HCN4: variants seen among roughly 807,000 people sequenced by gnomAD.
The protein encoded by HCN4 is hyperpolarization activated cyclic nucleotide gated potassium channel 4.
Under a neutral mutation model 76.9 loss-of-function variants are expected in HCN4, and 29 were observed. That is an observed-to-expected ratio of 0.38 (90% CI 0.28 to 0.51). The LOEUF is 0.51. Among genes scored for constraint, HCN4 ranks in the 20% least tolerant of loss-of-function variants. The probability of loss-of-function intolerance (pLI) is 0.90; values close to 1 mark genes in which losing one functional copy is unlikely to be tolerated. For missense variants in HCN4, 1,416 were observed against 1,715.2 expected (o/e 0.83, Z 3.08); for synonymous variants, 772 against 762.5 (o/e 1.01, Z -0.21).
At position 73,336,121 on chromosome 15, in the gene HCN4, C is replaced by T. The variant is rs2042963933; in HGVS notation, c.1210-3829G>A. On this transcript the variant is annotated intron_variant, in intron 2 of 7. Transcript: ENST00000261917. ...TGGGGAGGTGAGTAGAGAGGCTGGTCCAGGCTCTGAGCACCCCCAGCCCAG... is the reference window on the plus strand; with the variant it reads ...TGGGGAGGTGAGTAGAGAGGCTGGTTCAGGCTCTGAGCACCCCCAGCCCAG... Among the ~76,000 whole-genome samples the T allele has an allele frequency of 3.3e-5, 5 of 152,086 alleles. No individual in the cohort carries two copies. The South Asian group carries it at 1.0e-3, about 32-fold the overall frequency.
Position 73,328,038 on chromosome 15 carries a change from C to A in HCN4, c.1590+1535G>T, listed in dbSNP as rs2042910918. Reference sequence around the variant, plus strand: ...AAAACGACATACTGGGTCCTCCCCTCATGGAGCCGTGGCCTGGAGAGGGAA... The same window carrying A: ...AAAACGACATACTGGGTCCTCCCCTAATGGAGCCGTGGCCTGGAGAGGGAA... On this transcript the variant is annotated intron_variant, in intron 4 of 7. Transcript: ENST00000261917. This position sits in a 1 kb window ranked among gnomAD's most constrained non-coding sequence, Gnocchi z 4.0. Among the ~76,000 whole-genome samples the A allele has an allele frequency of 6.6e-6, 1 of 152,192 alleles. No homozygotes were observed.
rs749503920 is a variant in HCN4 at position 73,322,561 on chromosome 15, GC to G, written c.3531del (p.Pro1179LeufsTer2). 20 of 1,607,632 alleles carry G rather than the reference GC, an allele frequency of 1.2e-5. No homozygotes were observed. The highest frequency in any genetic ancestry group is 3.4e-5 in the Admixed American group (2 of 59,290). On this transcript the variant is annotated frameshift_variant, in exon 8 of 8. Transcript: ENST00000261917. LOFTEE classifies it high-confidence loss of function. ...LFGARATSSG[G>X]PPLTAGPQRE... ...CTCTGGGGTCCAGCAGTCAGAGGGG[GC>G]CCCCCAGAAGAGGTGGCTCTTGCCC...
At chr15:73,341,952 G>T (rs1391634316) in intron 2 of HCN4, among the ~76,000 whole-genome samples, 5 of 152,216 alleles carry the variant, frequency 3.3e-5, no homozygotes, top group Admixed American at 2.0e-4. Flanking sequence ...GGGAACTTCT[G>T]CCAGGCAAGC....
chr15:73,326,891 A>T (rs2151216138), intron 4 of HCN4, among the ~76,000 whole-genome samples: 1 of 151,288 alleles, frequency 6.6e-6, no homozygotes, highest in South Asian at 2.1e-4. Context: ...GGCTCAAGCG[A>T]TTCTCCCATC....
intron 1 of HCN4, among the ~76,000 whole-genome samples, chr15:73,353,476 G>A (rs1310560769): frequency 3.3e-5 from 5 of 152,146 alleles, no homozygotes; most frequent in Non-Finnish European, 5.9e-5. Flanking sequence ...GGCAAAGGAG[G>A]ACAGCTTAAC....
chr15:73,327,302 A>C (rs1337872938), intron 4 of HCN4, among the ~76,000 whole-genome samples: 1 of 151,186 alleles, frequency 6.6e-6, no homozygotes, highest in Non-Finnish European at 1.5e-5. Context: ...GTAGGGATGA[A>C]GTTTCACCAT....
chr15:73,340,088 C>G (rs979736628), intron 2 of HCN4, among the ~76,000 whole-genome samples: 13 of 152,348 alleles, frequency 8.5e-5, no homozygotes, highest in Non-Finnish European at 1.3e-4. Flanking sequence ...TCTGCCTCCC[C>G]CAGAGAAAGG....
At chr15:73,353,297 A>G (rs886163290) in intron 1 of HCN4, among the ~76,000 whole-genome samples, 2 of 152,136 alleles carry the variant, frequency 1.3e-5, no homozygotes, top group African/African-American at 4.8e-5. Flanking sequence ...GGGTCCTCTA[A>G]CATGTGTCAG....
chr15:73,354,330 T>C lies in HCN4; in HGVS notation c.786-10522A>G, dbSNP rs750298472. ...TGGCCTCAGCCTCTCCCCAAGAAGGTGAGCTGTGTGAGGGCAACAGCTAAC... is the reference window on the plus strand; with the variant it reads ...TGGCCTCAGCCTCTCCCCAAGAAGGCGAGCTGTGTGAGGGCAACAGCTAAC... On this transcript the variant is annotated intron_variant, in intron 1 of 7. Coordinates refer to ENST00000261917, the MANE Select transcript of HCN4 (RefSeq NM_005477.3). 3.6e-4 allele frequency among the ~76,000 whole-genome samples: 55 copies of C among 152,178 alleles called. 1 individual carries two copies. The highest frequency in any genetic ancestry group is 1.2e-3 in the South Asian group (6 of 4,830).
At chr15:73,337,426 C>T (rs2042973559) in intron 2 of HCN4, among the ~76,000 whole-genome samples, 1 of 152,198 alleles carries the variant, frequency 6.6e-6, no homozygotes, top group South Asian at 2.1e-4. Flanking sequence ...AGGAAGCCTC[C>T]GGGCATGGCT....
chr15:73,353,739 C>T (rs966675033), intron 1 of HCN4, among the ~76,000 whole-genome samples: 1 of 152,134 alleles, frequency 6.6e-6, no homozygotes, highest in South Asian at 2.1e-4. Flanking sequence ...CAGGAGTCCT[C>T]CCTGCCTGTG....
intron 1 of HCN4, among the ~76,000 whole-genome samples, chr15:73,349,258 G>A (rs919853170): frequency 1.3e-5 from 2 of 152,152 alleles, no homozygotes; most frequent in Admixed American, 6.5e-5. Flanking sequence ...AGTGAGAATG[G>A]AGGAGGATGG....
chr15:73,356,515 G>T (rs908800014), intron 1 of HCN4, among the ~76,000 whole-genome samples: 1 of 151,534 alleles, frequency 6.6e-6, no homozygotes, highest in African/African-American at 2.4e-5. Context: ...GCCTGACCCG[G>T]GGCAGAACTT....
rs141966309 is a variant in HCN4 at position 73,325,382 on chromosome 15, G to T, written c.1653C>A (p.Ile551=). 236 of 1,614,160 alleles carry T rather than the reference G, an allele frequency of 1.5e-4. 4 individuals are homozygous for T. The African/African-American group carries it at 2.4e-3, about 16-fold the overall frequency. ...GGTAGCGGTGCTCGTAGTAGTCGTG[G>T]ATGCGCTGCCGGGTGTCGGGCGGGA... ...HKLPPDTRQR[I]HDYYEHRYQG... is the part of the protein sequence containing the mutation. Residue 551 remains isoleucine (I), a synonymous_variant, in exon 5 of 8, where the codon ATC becomes ATA. Coordinates refer to ENST00000261917, the MANE Select transcript of HCN4 (RefSeq NM_005477.3). This position sits in a 1 kb window ranked among gnomAD's most constrained non-coding sequence, Gnocchi z 7.4.
intron 2 of HCN4, among the ~76,000 whole-genome samples, chr15:73,333,691 G>A (rs542413082): frequency 6.6e-6 from 1 of 152,284 alleles, no homozygotes; most frequent in Non-Finnish European, 1.5e-5. Flanking sequence ...CATGGGGTCC[G>A]GTAGCTTAAG....
chr15:73,366,569 C>G (rs1001076113), intron 1 of HCN4, among the ~76,000 whole-genome samples: 85 of 152,302 alleles, frequency 5.6e-4, no homozygotes, highest in African/African-American at 2.0e-3. Context: ...TAGAAACAAC[C>G]AACAATCCCT....
chr15:73,362,240 C>G (rs2043108101), intron 1 of HCN4, among the ~76,000 whole-genome samples: 1 of 152,220 alleles, frequency 6.6e-6, no homozygotes. Flanking sequence ...CAGACTTCAC[C>G]CTGCCACGCT....
chr15:73,360,443 G>A (rs749266687), intron 1 of HCN4, among the ~76,000 whole-genome samples: 7 of 152,250 alleles, frequency 4.6e-5, no homozygotes, highest in African/African-American at 4.8e-5. Context: ...CTGATATTCC[G>A]ACACCTGATC....
rs751716200 is a variant in HCN4, at chr15:73,322,842, T to C, written c.3251A>G (p.Lys1084Arg). 6.6e-7 allele frequency: 1 copy of C among 1,516,978 alleles called. No homozygotes were observed. The highest frequency in any genetic ancestry group is 2.3e-5 in the East Asian group (1 of 43,418). 94.0% of individuals were successfully genotyped at this position (1,516,978 alleles called of 1,614,324 possible). A position where few individuals can be genotyped will look rare whatever the true frequency, so the allele number is the denominator to read the frequency against. The change falls in exon 8 of 8, where the codon AAG becomes AGG. Residue 1084 changes from lysine to arginine, a missense_variant. Coordinates refer to ENST00000261917, the MANE Select transcript of HCN4 (RefSeq NM_005477.3). ...GGCTGGCTGAGACGCGGAGATGAGC[T>C]TGAGGTCCTGGGTGAGGCGGCCGGG... The part of the protein sequence containing the change: ...LTPGRLTQDL[K>R]LISASQPALP...
Sources: gnomAD v4.1 joint callset for allele counts (sites outside exome capture counted in the v4.1 genomes callset) on GRCh38, gnomAD v4.1.1 for gene constraint, Gnocchi (gnomAD v3.1) non-coding constraint, MANE v1.5 for transcripts, NCBI Gene and HGNC (gene_info 2026-07-23, HGNC 2026-07-21) for gene names.